The following TERB1 variants were observed in gnomAD, a reference collection of about 807,000 sequenced individuals.
TERB1 encodes telomere repeats-binding bouquet formation protein 1.
TERB1 carries 63 observed loss-of-function variants against 92.3 expected under a neutral mutation model. That is an observed-to-expected ratio of 0.68 (90% CI 0.56 to 0.84). The LOEUF is 0.84. Among genes scored for constraint, TERB1 ranks in the 40% least tolerant of loss-of-function variants. TERB1 has a pLI of 0.00. For synonymous variants in TERB1, 252 were observed against 283.9 expected, an observed-to-expected ratio of 0.89 and a Z score of 1.13; for missense variants, 709 against 843.7, an observed-to-expected ratio of 0.84 and a Z score of 1.98.
At chr16:66,798,352 T>A in intron 2 of TERB1, among the ~76,000 whole-genome samples, 1 of 152,044 alleles carries the variant, frequency 6.6e-6, no homozygotes, top group South Asian at 2.1e-4. Flanking sequence ...GCTAATTTTT[T>A]AATATTTTTG....
intron 3 of TERB1, 25 bp downstream of exon 3, chr16:66,796,743 G>C: frequency 6.7e-7 from 1 of 1,493,978 alleles, no homozygotes; most frequent in Non-Finnish European, 9.1e-7. Context: ...ACTCATTGCA[G>C]ATATATGATC....
intron 6 of TERB1, 119 bp from the exon 7 acceptor site, chr16:66,786,404 G>T: frequency 1.4e-6 from 1 of 699,578 alleles, no homozygotes; most frequent in Non-Finnish European, 2.4e-6. Flanking sequence ...GTATTACAAA[G>T]TATAACATAG....
chr16:66,797,055 C>G (rs545274913), intron 2 of TERB1, among the ~76,000 whole-genome samples: 3 of 152,206 alleles, frequency 2.0e-5, no homozygotes, highest in African/African-American at 7.2e-5. Context: ...GCTCTGTATC[C>G]TCATCTGTAA....
chr16:66,792,344 T>A (rs901808274), intron 3 of TERB1, among the ~76,000 whole-genome samples: 2 of 152,190 alleles, frequency 1.3e-5, no homozygotes, highest in African/African-American at 2.4e-5. Context: ...AGACTGAATA[T>A]CTTCTCTCTA....
At chr16:66,800,677 A>T (rs1002262561) in intron 2 of TERB1, among the ~76,000 whole-genome samples, 2 of 152,158 alleles carry the variant, frequency 1.3e-5, no homozygotes, top group Non-Finnish European at 2.9e-5. Context: ...GCGGATATCC[A>T]GCTTGTAATT....
rs1232688197 is a variant in TERB1 at position 66,790,928 on chromosome 16, A to G, written c.123T>C (p.His41=). 6.5e-7 allele frequency: 1 copy of G among 1,546,936 alleles called. No homozygotes were observed. The highest frequency in any genetic ancestry group is 2.5e-5 in the East Asian group (1 of 40,752). Residue 41 remains histidine, a synonymous_variant, in exon 4 of 19, where the codon CAT becomes CAC. Transcript: ENST00000433154. ...FSQKEALVTI[H]SICQQNSNAS... is the part of the protein sequence containing the mutation. Reference sequence around the variant, plus strand: ...TCTTACTGTTTTGTTGACAAATTGAATGAATAGTGACCAAAGCTTCCTTTT... The same window carrying G: ...TCTTACTGTTTTGTTGACAAATTGAGTGAATAGTGACCAAAGCTTCCTTTT...
chr16:66,772,685 C>T lies in TERB1; in HGVS notation c.1176G>A (p.Lys392=), dbSNP rs1455509773. 8.4e-6 allele frequency: 13 copies of T among 1,549,408 alleles called. No individual in the cohort carries two copies. Among genetic ancestry groups the T allele is most frequent in the Non-Finnish European group, 9.6e-6 (11 of 1,145,296 alleles). ...PFDENETQQL[K]DISVKENNLE... ...GATTATTCTCCTTCACACTTATGTCCTTTAATTGCTGTGTTTCATTTTCAT... is the reference window on the plus strand; with the variant it reads ...GATTATTCTCCTTCACACTTATGTCTTTTAATTGCTGTGTTTCATTTTCAT... Residue 392 remains lysine (K), a synonymous_variant, in exon 13 of 19, where the codon AAG becomes AAA. Coordinates refer to ENST00000433154, the MANE Select transcript of TERB1 (RefSeq NM_001136505.2).
chr16:66,777,438 C>G, intron 10 of TERB1, 104 bp from the exon 11 acceptor site: 1 of 614,476 alleles, frequency 1.6e-6, no homozygotes, highest in South Asian at 3.3e-5. Context: ...TGTTATATAT[C>G]TATATAAAAT....
intron 10 of TERB1, among the ~76,000 whole-genome samples, chr16:66,777,753 C>T (rs1346542320): frequency 6.6e-6 from 1 of 152,156 alleles, no homozygotes; most frequent in Non-Finnish European, 1.5e-5. Context: ...TTCCTGCTGT[C>T]ATTTAAAATA....
chr16:66,756,548 T>A (rs1228281692), intron 18 of TERB1, among the ~76,000 whole-genome samples: 4 of 152,190 alleles, frequency 2.6e-5, no homozygotes. Context: ...ATGAAATTAT[T>A]CTTTCATTTT....
Position 66,758,862 on chromosome 16 carries a change from G to A in TERB1, c.1931-24C>T, listed in dbSNP as rs762734234. ...TTCTGAAAAATATGGAAAACATTTA[G>A]CACATTTAGCGTATCAATCTGAGTA... On this transcript the variant is annotated intron_variant, in intron 17 of 18. Transcript: ENST00000433154. The A allele has an allele frequency of 2.4e-5, 35 of 1,443,940 alleles. No homozygotes were observed. In the South Asian group the frequency reaches 4.3e-4, roughly 18 times the overall value. 89.4% of individuals were successfully genotyped at this position (1,443,940 alleles called of 1,614,324 possible).
chr16:66,791,323 A>C (rs932287650), intron 3 of TERB1, among the ~76,000 whole-genome samples: 3 of 152,144 alleles, frequency 2.0e-5, no homozygotes, highest in Non-Finnish European at 4.4e-5. Flanking sequence ...TTAGAAAAAA[A>C]AAGTGGATAA....
chr16:66,767,931 T>A (rs1277849395), intron 15 of TERB1, among the ~76,000 whole-genome samples, 173 bp downstream of exon 15: 1 of 152,178 alleles, frequency 6.6e-6, no homozygotes. Flanking sequence ...TTTCACCATG[T>A]TGGCCAGACT....
chr16:66,764,941 C>A (rs1414863651), intron 16 of TERB1, among the ~76,000 whole-genome samples: 1 of 152,064 alleles, frequency 6.6e-6, no homozygotes, highest in Non-Finnish European at 1.5e-5. Flanking sequence ...ACGTTAGAAG[C>A]CAAAAGTCAA....
chr16:66,772,921 TCAAA>T lies in TERB1; in HGVS notation c.1112-176_1112-173del, dbSNP rs531342569. Among the ~76,000 whole-genome samples the T allele has an allele frequency of 2.2e-4, 33 of 152,252 alleles. No individual in the cohort carries two copies. In the East Asian group the frequency reaches 6.0e-3, roughly 28 times the overall value. ...AGATTATCTAGCAGAGGCCCAGGAC[TCAAA>T]CAGTCATAAATCAGACTTTACTCTT... On this transcript the variant is annotated intron_variant, in intron 12 of 18. Coordinates refer to ENST00000433154, the MANE Select transcript of TERB1 (RefSeq NM_001136505.2).
At chr16:66,797,076 A>G (rs1274297035) in intron 2 of TERB1, among the ~76,000 whole-genome samples, 1 of 152,206 alleles carries the variant, frequency 6.6e-6, no homozygotes, top group Non-Finnish European at 1.5e-5. Context: ...AATAGAAATG[A>G]TATTCCTATT....
chr16:66,760,783 C>CAAAAAAAAA (rs57817560), intron 16 of TERB1, among the ~76,000 whole-genome samples: 1 of 67,232 alleles, frequency 1.5e-5, no homozygotes, highest in African/African-American at 5.9e-5. Flanking sequence ...GACTCCATCT[C>CAAAAAAAAA]AAAAAAAAAA....
At chr16:66,780,582 A>G (rs1045964814) in intron 9 of TERB1, among the ~76,000 whole-genome samples, 3 of 152,072 alleles carry the variant, frequency 2.0e-5, no homozygotes, top group African/African-American at 7.2e-5. Flanking sequence ...TCAAAAAAAA[A>G]AAAAGCACTT....
rs1429017709 is a variant in TERB1 at position 66,777,230 on chromosome 16, T to G, written c.958A>C (p.Thr320Pro). Residue 320 changes from threonine to proline, a missense_variant, in exon 11 of 19, where the codon ACT becomes CCT. Thr to Pro is a conservative substitution (Grantham distance 38). Transcript: ENST00000433154. ...CAATCCTCTGTGCAATGACCAAGAG[T>G]AAGCATGATGCTAAATTTTTCTCCT... ...DSGEKFSIMLTLGHCTEDCEE... is the reference protein window; with the variant it reads ...DSGEKFSIMLPLGHCTEDCEE... 7.1e-6 allele frequency: 11 copies of G among 1,550,860 alleles called. No individual in the cohort carries two copies.
Sources: gnomAD v4.1 joint callset for allele counts (sites outside exome capture counted in the v4.1 genomes callset) on GRCh38, gnomAD v4.1.1 for gene constraint, MANE v1.5 for transcripts, NCBI Gene and HGNC (gene_info 2026-07-23, HGNC 2026-07-21) for gene names.